Variants in FHIT observed in about 807,000 individuals in gnomAD.
FHIT encodes the protein bis(5'-adenosyl)-triphosphatase.
Under a neutral mutation model 17.9 loss-of-function variants are expected in FHIT, and 19 were observed. The observed-to-expected ratio is 1.06, with a 90% CI of 0.74 to 1.56. The LOEUF is 1.56. FHIT is among the 40% of genes most tolerant of loss of function. The probability of loss-of-function intolerance (pLI) is 0.00; values close to 1 mark genes in which losing one functional copy is unlikely to be tolerated. For synonymous variants in FHIT, 81 were observed against 69.7 expected, an observed-to-expected ratio of 1.16 and a Z score of -0.81; for missense variants, 248 against 189.2, an observed-to-expected ratio of 1.31 and a Z score of -1.82.
chr3:60,097,374 G>C (rs779019795), intron 5 of FHIT, among the ~76,000 whole-genome samples: 6 of 152,090 alleles, frequency 3.9e-5, no homozygotes, highest in Admixed American at 1.3e-4. Flanking sequence ...GCTACAAAGA[G>C]GACACACTGC....
At chr3:60,946,096 G>C (rs768581570) in intron 3 of FHIT, among the ~76,000 whole-genome samples, 1 of 152,152 alleles carries the variant, frequency 6.6e-6, no homozygotes, top group Admixed American at 6.6e-5. Flanking sequence ...CATAGCATCT[G>C]AGCTGAGCAA....
At chr3:60,133,543 T>C (rs1468629764) in intron 5 of FHIT, among the ~76,000 whole-genome samples, 1 of 152,040 alleles carries the variant, frequency 6.6e-6, no homozygotes, top group Non-Finnish European at 1.5e-5. Flanking sequence ...GGGAGAAGTG[T>C]GGGAGGCCCC....
intron 4 of FHIT, among the ~76,000 whole-genome samples, chr3:60,661,754 G>T (rs2040252323): frequency 6.6e-6 from 1 of 152,284 alleles, no homozygotes; most frequent in Admixed American, 6.5e-5. Context: ...TCTTGCAGCT[G>T]TAAGGTAGTA....
At chr3:59,939,540 T>C (rs1373755776) in intron 7 of FHIT, among the ~76,000 whole-genome samples, 1 of 152,194 alleles carries the variant, frequency 6.6e-6, no homozygotes, top group Non-Finnish European at 1.5e-5. Context: ...ATAATGATTT[T>C]TCTATGCCTT....
At chr3:59,937,014 A>G (rs1706275281) in intron 7 of FHIT, among the ~76,000 whole-genome samples, 1 of 152,184 alleles carries the variant, frequency 6.6e-6, no homozygotes. Context: ...GAGACAGACA[A>G]ATGGTTTGAT....
chr3:60,985,104 G>A (rs139821036), intron 3 of FHIT, among the ~76,000 whole-genome samples: 7 of 152,066 alleles, frequency 4.6e-5, no homozygotes, highest in Non-Finnish European at 7.4e-5. Flanking sequence ...ACTACAGAAC[G>A]TAATCCAAGC....
intron 2 of FHIT, among the ~76,000 whole-genome samples, chr3:61,082,511 A>T (rs2035171663): frequency 6.6e-6 from 1 of 152,214 alleles, no homozygotes; most frequent in Non-Finnish European, 1.5e-5. Flanking sequence ...CCATTTGGAA[A>T]AGCTATTAAA....
At chr3:60,061,905 CAAAAG>C (rs1234892932) in intron 5 of FHIT, among the ~76,000 whole-genome samples, 1 of 151,690 alleles carries the variant, frequency 6.6e-6, no homozygotes, top group Non-Finnish European at 1.5e-5. Flanking sequence ...GGAGAGAAAG[CAAAAG>C]AAAGAGAAAT....
At chr3:60,482,890 A>G (rs751179553) in intron 5 of FHIT, among the ~76,000 whole-genome samples, 16 of 151,928 alleles carry the variant, frequency 1.1e-4, no homozygotes, top group South Asian at 6.2e-4. Context: ...AATGAAGACA[A>G]GAGCTGGTTT....
At chr3:60,849,771 G>C (rs1347324983) in intron 3 of FHIT, among the ~76,000 whole-genome samples, 1 of 151,946 alleles carries the variant, frequency 6.6e-6, no homozygotes, top group Non-Finnish European at 1.5e-5. Context: ...AAATAGGCTT[G>C]CCATGCTTTC....
intron 5 of FHIT, among the ~76,000 whole-genome samples, chr3:60,480,488 G>C (rs1368693729): frequency 6.6e-6 from 1 of 152,092 alleles, no homozygotes; most frequent in Non-Finnish European, 1.5e-5. Context: ...TCTAAGACAA[G>C]GCAAGTCCCT....
chr3:60,305,844 T>C (rs1293503411), intron 5 of FHIT, among the ~76,000 whole-genome samples: 1 of 152,136 alleles, frequency 6.6e-6, no homozygotes, highest in East Asian at 1.9e-4. Flanking sequence ...TGATGTGCTA[T>C]TTAATGGTTT....
chr3:60,818,511 T>C (rs1250436379), intron 4 of FHIT, among the ~76,000 whole-genome samples: 1 of 152,318 alleles, frequency 6.6e-6, no homozygotes, highest in Non-Finnish European at 1.5e-5. Flanking sequence ...AATATACACA[T>C]GACATATACC....
rs1412122265 is a variant in FHIT at position 60,418,372 on chromosome 3, GTGTGTATATATATATATATATATATATA to G, written c.103+118460_103+118487del. On this transcript the variant is annotated intron_variant, in intron 5 of 9. Coordinates refer to ENST00000492590, the MANE Select transcript of FHIT (RefSeq NM_002012.4). Reference sequence around the variant, plus strand: ...CAAACCTATATATATGTATCTGAATGTGTGTATATATATATATATATATATATATATATATATATATATATATATATAT... The same window carrying G: ...CAAACCTATATATATGTATCTGAATGTATATATATATATATATATATATAT... Among the ~76,000 whole-genome samples, 39 of 5,338 alleles carry G rather than the reference GTGTGTATATATATATATATATATATATA, an allele frequency of 7.3e-3. 1 individual carries two copies. Among genetic ancestry groups the G allele is most frequent in the African/African-American group, 8.1e-3 (39 of 4,844 alleles). 3.5% of individuals were successfully genotyped at this position (5,338 alleles called of 152,430 possible). A position where few individuals can be genotyped will look rare whatever the true frequency, so the allele number is the denominator to read the frequency against.
chr3:60,377,065 A>C (rs1700592820), intron 5 of FHIT, among the ~76,000 whole-genome samples: 1 of 152,198 alleles, frequency 6.6e-6, no homozygotes, highest in Non-Finnish European at 1.5e-5. Flanking sequence ...GTATGCTAGG[A>C]AAGTTGAAAA....
chr3:60,258,392 T>G (rs150875113), intron 5 of FHIT, among the ~76,000 whole-genome samples: 1 of 152,202 alleles, frequency 6.6e-6, no homozygotes, highest in African/African-American at 2.4e-5. Context: ...CCACTTCCTC[T>G]TCTTCAAAAT....
At position 59,915,700 on chromosome 3, in the gene FHIT, G is replaced by T. The variant is rs1448017287; in HGVS notation, c.348+6646C>A. On this transcript the variant is annotated intron_variant, in intron 8 of 9. Coordinates refer to ENST00000492590, the MANE Select transcript of FHIT (RefSeq NM_002012.4). ...CATGCCTATAATCCCAGTACTTTGG[G>T]AGGCCAAGCCAGGAGGATTGCTTGA... Among the ~76,000 whole-genome samples the T allele has an allele frequency of 2.6e-5, 4 of 152,286 alleles. No homozygotes were observed. The East Asian group carries it at 7.7e-4, about 30-fold the overall frequency.
At chr3:59,952,895 G>A (rs1429204795) in intron 7 of FHIT, among the ~76,000 whole-genome samples, 1 of 152,004 alleles carries the variant, frequency 6.6e-6, no homozygotes, top group Non-Finnish European at 1.5e-5. Context: ...CAGTGAAGAG[G>A]AGACTAGCCA....
chr3:60,206,383 C>A (rs564346423), intron 5 of FHIT, among the ~76,000 whole-genome samples: 27 of 152,192 alleles, frequency 1.8e-4, no homozygotes, highest in African/African-American at 6.5e-4. Flanking sequence ...GGAGCTCTTT[C>A]AGACTTCAGG....
Sources: allele counts gnomAD v4.1 joint callset (sites outside exome capture counted in the v4.1 genomes callset), GRCh38; gene constraint gnomAD v4.1.1; transcripts MANE v1.5; gene names NCBI Gene and HGNC (gene_info 2026-07-23, HGNC 2026-07-21).